The following ANKFN1 variants were observed in gnomAD, a reference collection of about 807,000 sequenced individuals.
The protein encoded by ANKFN1 is ankyrin repeat and fibronectin type III domain containing 1.
A neutral mutation model predicts 108.7 loss-of-function variants in ANKFN1; 74 were observed. The observed-to-expected ratio is 0.68, with a 90% CI of 0.56 to 0.83. ANKFN1 has a LOEUF of 0.83. ANKFN1 is among the 40% of genes least tolerant of loss of function. The pLI, the probability that ANKFN1 is intolerant of heterozygous loss-of-function variation, is 0.00. For missense variants in ANKFN1, 1,505 were observed against 1,382.3 expected, an observed-to-expected ratio of 1.09 and a Z score of -1.41; for synonymous variants, 547 against 516.2, an observed-to-expected ratio of 1.06 and a Z score of -0.81.
intron 4 of ANKFN1, among the ~76,000 whole-genome samples, chr17:56,048,962 T>C (rs1904727481): frequency 6.6e-6 from 1 of 152,186 alleles, no homozygotes; most frequent in Non-Finnish European, 1.5e-5. Context: ...AAAAATAACA[T>C]GTCTTATAGT....
chr17:56,112,363 C>T (rs954975414), intron 4 of ANKFN1, among the ~76,000 whole-genome samples: 2 of 151,950 alleles, frequency 1.3e-5, no homozygotes, highest in Non-Finnish European at 2.9e-5. Flanking sequence ...AGGATCTAGT[C>T]GGGTTACAAC....
chr17:56,240,458 A>G (rs1238732712), intron 3 of ANKFN1, among the ~76,000 whole-genome samples: 1 of 152,104 alleles, frequency 6.6e-6, no homozygotes, highest in East Asian at 1.9e-4. Flanking sequence ...GTGAAAAATT[A>G]GGTTGTTGCC....
At chr17:56,456,534 A>C (rs1357327984) in intron 11 of ANKFN1, among the ~76,000 whole-genome samples, 1 of 150,404 alleles carries the variant, frequency 6.6e-6, no homozygotes. Context: ...AGTAGCTGTG[A>C]CTACAGACGT....
chr17:56,403,790 T>G (rs1192502659), intron 8 of ANKFN1, among the ~76,000 whole-genome samples: 1 of 152,190 alleles, frequency 6.6e-6, no homozygotes, highest in Non-Finnish European at 1.5e-5. Flanking sequence ...GAGCTTCTGT[T>G]TTGATGTGTT....
intron 5 of ANKFN1, among the ~76,000 whole-genome samples, chr17:56,351,558 T>C (rs535049110): frequency 1.3e-5 from 2 of 152,260 alleles, no homozygotes; most frequent in African/African-American, 4.8e-5. Flanking sequence ...ATTACATTCA[T>C]CTCTGACTTC....
chr17:56,092,098 C>T (rs370245744), intron 4 of ANKFN1, among the ~76,000 whole-genome samples: 27 of 151,150 alleles, frequency 1.8e-4, no homozygotes, highest in East Asian at 1.5e-3. Context: ...AACAATGTAG[C>T]CTTTCTGCAC....
chr17:56,062,262 C>T (rs1904987183), intron 4 of ANKFN1, among the ~76,000 whole-genome samples: 1 of 152,164 alleles, frequency 6.6e-6, no homozygotes, highest in South Asian at 2.1e-4. Flanking sequence ...TGATCCAAAG[C>T]TGAGTTCAAG....
intron 1 of ANKFN1, among the ~76,000 whole-genome samples, chr17:56,194,659 G>T (rs9303383): frequency 6.6e-6 from 1 of 151,980 alleles, no homozygotes; most frequent in African/African-American, 2.4e-5. Context: ...TGATACTATA[G>T]TGTTGGATAC....
intron 3 of ANKFN1, among the ~76,000 whole-genome samples, chr17:56,270,717 C>T (rs1392741711): frequency 6.6e-6 from 1 of 152,178 alleles, no homozygotes; most frequent in African/African-American, 2.4e-5. Context: ...TCTCCTCATT[C>T]ACTCTACTGC....
chr17:56,403,143 A>T, intron 8 of ANKFN1, among the ~76,000 whole-genome samples: 1 of 152,100 alleles, frequency 6.6e-6, no homozygotes, highest in East Asian at 1.9e-4. Context: ...AGAAAGTTCC[A>T]TGTGCTGTTG....
At chr17:56,239,154 G>A (rs1016465283) in intron 3 of ANKFN1, among the ~76,000 whole-genome samples, 1 of 152,068 alleles carries the variant, frequency 6.6e-6, no homozygotes, top group African/African-American at 2.4e-5. Flanking sequence ...GAATGGGGAG[G>A]AGAGGATTGT....
chr17:56,075,600 A>G (rs774761979), intron 4 of ANKFN1, among the ~76,000 whole-genome samples: 8 of 152,100 alleles, frequency 5.3e-5, no homozygotes, highest in Non-Finnish European at 8.8e-5. Context: ...GAAAGAATCA[A>G]TGTTCATTAC....
chr17:56,160,614 G>A (rs1284108873), intron 1 of ANKFN1, among the ~76,000 whole-genome samples: 1 of 152,144 alleles, frequency 6.6e-6, no homozygotes, highest in Non-Finnish European at 1.5e-5. Context: ...GAAAAAAATG[G>A]AACAGAGCTC....
At chr17:56,143,536 A>G (rs1908053923) in intron 4 of ANKFN1, among the ~76,000 whole-genome samples, 1 of 152,120 alleles carries the variant, frequency 6.6e-6, no homozygotes, top group African/African-American at 2.4e-5. Context: ...AGTACCTATC[A>G]TATTTGATCT....
chr17:56,193,543 G>T (rs1913210443), intron 1 of ANKFN1, among the ~76,000 whole-genome samples: 1 of 147,558 alleles, frequency 6.8e-6, no homozygotes, highest in East Asian at 2.0e-4. Context: ...AATACAGCTA[G>T]TATAATGTAA....
At chr17:56,141,115 G>C (rs554249263) in intron 4 of ANKFN1, among the ~76,000 whole-genome samples, 234 of 152,158 alleles carry the variant, frequency 1.5e-3, no homozygotes, top group Non-Finnish European at 2.8e-3. Flanking sequence ...TCCCCTCACT[G>C]ATCTTCTCCA....
intron 11 of ANKFN1, among the ~76,000 whole-genome samples, chr17:56,454,622 T>G (rs1199154877): frequency 6.6e-6 from 1 of 152,172 alleles, no homozygotes; most frequent in Admixed American, 6.5e-5. Context: ...GCACCACCTT[T>G]CCATTGAGAT....
chr17:56,218,183 T>TTC (rs72257132), intron 2 of ANKFN1, among the ~76,000 whole-genome samples: 3,140 of 145,948 alleles, frequency 0.022, 110 homozygotes, highest in African/African-American at 0.074. Flanking sequence ...CCTTAGCCCC[T>TTC]TCTCTCTCTC....
chr17:56,266,991 G>T (rs571600875), intron 3 of ANKFN1, among the ~76,000 whole-genome samples: 1 of 152,122 alleles, frequency 6.6e-6, no homozygotes, highest in African/African-American at 2.4e-5. Context: ...AGTTGTCATT[G>T]ATCCTTATCC....
Sources: gnomAD v4.1 joint callset for allele counts (sites outside exome capture counted in the v4.1 genomes callset) on GRCh38, gnomAD v4.1.1 for gene constraint, MANE v1.5 for transcripts, NCBI Gene and HGNC (gene_info 2026-07-23, HGNC 2026-07-21) for gene names.